Variants in AKAP12 observed in about 807,000 individuals in gnomAD.
AKAP12 encodes A-kinase anchor protein 12.
A neutral mutation model predicts 79.9 loss-of-function variants in AKAP12; 32 were observed. The observed-to-expected ratio is 0.40, with a 90% CI of 0.30 to 0.54. The LOEUF (loss-of-function observed/expected upper bound fraction) is 0.54, where lower values mean the gene tolerates loss of function less well. Among genes scored for constraint, AKAP12 ranks in the 20% least tolerant of loss-of-function variants. The pLI, the probability that AKAP12 is intolerant of heterozygous loss-of-function variation, is 0.48. For synonymous variants in AKAP12, 808 were observed against 857.0 expected, an observed-to-expected ratio of 0.94 and a Z score of 1.00; for missense variants, 2,074 against 2,177.0, an observed-to-expected ratio of 0.95 and a Z score of 0.94.
intron 2 of AKAP12, among the ~76,000 whole-genome samples, chr6:151,249,842 A>G (rs1023337854): frequency 5.3e-5 from 8 of 152,220 alleles, no homozygotes; most frequent in South Asian, 2.1e-4. Context: ...TAGCAAGCCC[A>G]TGGTTTAAAA....
intron 3 of AKAP12, chr6:151,343,836 C>A: frequency 1.6e-5 from 6 of 379,126 alleles, no homozygotes; most frequent in Non-Finnish European, 3.0e-5. Context: ...CTTAAGGAAG[C>A]CTTTGGATTT....
Position 151,285,713 on chromosome 6 carries a change from A to T in AKAP12, c.163-20034A>T, listed in dbSNP as rs188496767. On this transcript the variant is annotated intron_variant, in intron 2 of 4. Transcript: ENST00000402676. ...GTGGAGGGGAAAAGAAGTCATTTGT[A>T]CAGTTTGATGAAGAAATAAATGTAT... Among the ~76,000 whole-genome samples the T allele has an allele frequency of 4.6e-5, 7 of 152,254 alleles. No homozygotes were observed. The East Asian group carries it at 1.3e-3, about 29-fold the overall frequency.
chr6:151,297,401 C>A (rs1192563282), intron 2 of AKAP12, among the ~76,000 whole-genome samples: 1 of 151,676 alleles, frequency 6.6e-6, no homozygotes, highest in Non-Finnish European at 1.5e-5. Context: ...ATGATGAAAC[C>A]GTCTCTACTA....
intron 3 of AKAP12, among the ~76,000 whole-genome samples, chr6:151,321,130 G>A (rs1331268876): frequency 6.6e-6 from 1 of 152,084 alleles, no homozygotes; most frequent in Non-Finnish European, 1.5e-5. Flanking sequence ...GGGATTACAG[G>A]CGTGCGCCAC....
chr6:151,323,680 G>GT (rs1264534242), intron 3 of AKAP12: 101 of 983,798 alleles, frequency 1.0e-4, no homozygotes, highest in Non-Finnish European at 1.2e-4. Flanking sequence ...TATTAAATGT[G>GT]TAACTAGTGA....
rs55685824 is a variant in AKAP12 at position 151,312,793 on chromosome 6, C to CAAAAAAAAAAAAAAAAAAAA, written c.319+6908_319+6909insAAAAAAAAAAAAAAAAAAAA. ...GGCTACAAGAGGGAGACTCTGTCTC[C>CAAAAAAAAAAAAAAAAAAAA]AAAAAAAAAAAAAAAAAAGAATCAT... is the stretch of plus-strand genomic sequence containing the variant. On this transcript the variant is annotated intron_variant, in intron 3 of 4. Transcript: ENST00000402676. 1.6e-3 allele frequency among the ~76,000 whole-genome samples: 119 copies of CAAAAAAAAAAAAAAAAAAAA among 72,964 alleles called. 6 individuals are homozygous for CAAAAAAAAAAAAAAAAAAAA. The highest frequency in any genetic ancestry group is 0.02 in the Middle Eastern group (2 of 100). 47.9% of individuals were successfully genotyped at this position (72,964 alleles called of 152,430 possible).
At chr6:151,287,959 C>G (rs2114732618) in intron 2 of AKAP12, among the ~76,000 whole-genome samples, 2 of 151,726 alleles carry the variant, frequency 1.3e-5, no homozygotes, top group South Asian at 4.2e-4. Flanking sequence ...CAAACTAACA[C>G]AGGAACAGAA....
chr6:151,288,444 G>A (rs1316687831), intron 2 of AKAP12, among the ~76,000 whole-genome samples: 4 of 152,120 alleles, frequency 2.6e-5, no homozygotes, highest in African/African-American at 4.8e-5. Flanking sequence ...CCCGGGAGGC[G>A]GAGGCTACAG....
At chr6:151,330,489 C>T (rs1582886017) in intron 3 of AKAP12, among the ~76,000 whole-genome samples, 1 of 152,084 alleles carries the variant, frequency 6.6e-6, no homozygotes, top group South Asian at 2.1e-4. Context: ...AATTCCAGGA[C>T]AATGCTACGA....
At chr6:151,354,728 G>A (rs962631477) in intron 4 of AKAP12, among the ~76,000 whole-genome samples, 4 of 152,016 alleles carry the variant, frequency 2.6e-5, no homozygotes, top group African/African-American at 7.2e-5. Flanking sequence ...CTGGAATGCC[G>A]TGGTGCAATC....
At chr6:151,286,109 C>G (rs563537861) in intron 2 of AKAP12, among the ~76,000 whole-genome samples, 1 of 152,244 alleles carries the variant, frequency 6.6e-6, no homozygotes, top group African/African-American at 2.4e-5. Flanking sequence ...AACTCCTGGC[C>G]TCAGGTGATC....
chr6:151,351,086 G>T lies in AKAP12; in HGVS notation c.2695G>T (p.Gly899Trp), dbSNP rs747672611. 6.2e-7 allele frequency: 1 copy of T among 1,614,170 alleles called. No individual in the cohort carries two copies. Among genetic ancestry groups the T allele is most frequent in the Non-Finnish European group, 8.5e-7 (1 of 1,180,032 alleles). Residue 899 changes from glycine (G) to tryptophan (W), a missense_variant, in exon 4 of 5, where the codon GGG becomes TGG. Gly to Trp is a radical substitution (Grantham distance 184). This residue lies in a region of AKAP12 where 1,428 missense variants were observed against 1,451.0 expected (regional missense o/e 0.98). Coordinates refer to ENST00000402676, the MANE Select transcript of AKAP12 (RefSeq NM_005100.4). The surrounding 1 kb of genome is among the most constrained non-coding windows in gnomAD (Gnocchi z 4.4). ...VHMMAAAVAD[G>W]TRAATIIEER... is the part of the protein sequence containing the mutation. ...TATGATGGCAGCAGCTGTCGCTGAC[G>T]GGACGAGGGCAGCTACCATTATTGA...
chr6:151,252,049 G>A (rs1243696476), intron 2 of AKAP12, among the ~76,000 whole-genome samples: 1 of 152,180 alleles, frequency 6.6e-6, no homozygotes, highest in African/African-American at 2.4e-5. Flanking sequence ...GTTTGAGGCA[G>A]ACTCTCTAGA....
intron 2 of AKAP12, among the ~76,000 whole-genome samples, chr6:151,244,055 A>G (rs889399731): frequency 4.6e-5 from 7 of 152,090 alleles, no homozygotes; most frequent in East Asian, 1.9e-4. Context: ...ACATTGAACA[A>G]TGGTCTGTTG....
chr6:151,344,569 G>A (rs568624736), intron 3 of AKAP12, among the ~76,000 whole-genome samples: 46 of 151,922 alleles, frequency 3.0e-4, no homozygotes, highest in South Asian at 1.7e-3. Context: ...AGTCTCGCTC[G>A]GTCACCCAGG....
chr6:151,354,210 T>G (rs1778381157), intron 4 of AKAP12, among the ~76,000 whole-genome samples: 2 of 151,920 alleles, frequency 1.3e-5, no homozygotes, highest in Admixed American at 1.3e-4. Context: ...TTAAACTGCC[T>G]GAAATATAGC....
At position 151,351,157 on chromosome 6, in the gene AKAP12, T is replaced by A; in HGVS notation, c.2766T>A (p.Leu922=). The A allele has an allele frequency of 6.2e-7, 1 of 1,614,186 alleles. No individual in the cohort carries two copies. Among genetic ancestry groups the A allele is most frequent in the Non-Finnish European group, 8.5e-7 (1 of 1,180,044 alleles). The stretch of plus-strand genomic sequence containing the variant: ...TATCTGCTTCAGTGACAGAACCTCT[T>A]GAACAAGTAGAAGCTGAAGCCGCAC... ...SWISASVTEP[L]EQVEAEAALL... The change falls in exon 4 of 5, where the codon CTT becomes CTA. Residue 922 remains leucine (L), a synonymous_variant. Transcript: ENST00000402676. The surrounding 1 kb of genome is among the most constrained non-coding windows in gnomAD (Gnocchi z 4.4).
In AKAP12 at chr6:151,350,495, G is replaced by A. The variant is rs777580894; in HGVS notation, c.2104G>A (p.Gly702Arg). 1.7e-5 allele frequency: 28 copies of A among 1,613,980 alleles called. No individual in the cohort carries two copies. Among genetic ancestry groups the A allele is most frequent in the Non-Finnish European group, 2.1e-5 (25 of 1,180,032 alleles). ...ARRGSSSDEE[G>R]GPKAMGGDHQ... ...GAGAGGGTCCTCTTCTGATGAGGAA[G>A]GGGGACCAAAAGCAATGGGAGGAGA... is the stretch of plus-strand genomic sequence containing the variant. Residue 702 changes from glycine to arginine, a missense_variant, in exon 4 of 5, where the codon GGG becomes AGG. By Grantham distance (125) the Gly-to-Arg change is moderately radical. Transcript: ENST00000402676. This position sits in a 1 kb window ranked among gnomAD's most constrained non-coding sequence, Gnocchi z 4.8.
intron 2 of AKAP12, among the ~76,000 whole-genome samples, chr6:151,244,934 G>A (rs993506415): frequency 6.6e-6 from 1 of 152,174 alleles, no homozygotes; most frequent in African/African-American, 2.4e-5. Context: ...GATAAGTGGA[G>A]ATTTTCTCTT....
Sources: gnomAD v4.1 joint callset for allele counts (sites outside exome capture counted in the v4.1 genomes callset) on GRCh38, gnomAD v4.1.1 for gene constraint, gnomAD v4.1.1 regional missense constraint, Gnocchi (gnomAD v3.1) non-coding constraint, MANE v1.5 for transcripts, NCBI Gene and HGNC (gene_info 2026-07-23, HGNC 2026-07-21) for gene names.